TLN2: variants seen among roughly 807,000 people sequenced by gnomAD.
TLN2 encodes the protein talin-2.
In TLN2, 118 loss-of-function variants were observed where a neutral mutation model predicts 294.7. That is an observed-to-expected ratio of 0.40 (90% CI 0.34 to 0.47). The LOEUF (loss-of-function observed/expected upper bound fraction) is 0.47, where lower values mean the gene tolerates loss of function less well. Among genes scored for constraint, TLN2 ranks in the 20% least tolerant of loss-of-function variants. TLN2 has a pLI of 0.84. For synonymous variants in TLN2, 1,431 were observed against 1,304.5 expected (o/e 1.10, Z -2.09); for missense variants, 3,083 against 3,282.2 (o/e 0.94, Z 1.48).
intron 26 of TLN2, among the ~76,000 whole-genome samples, chr15:62,723,095 C>G (rs1255294804): frequency 6.6e-6 from 1 of 152,188 alleles, no homozygotes; most frequent in Non-Finnish European, 1.5e-5. Context: ...GCATGAAGTT[C>G]TAGCATGAAT....
chr15:62,481,798 CT>C (rs60002079), intron 1 of TLN2, among the ~76,000 whole-genome samples: 1,861 of 115,702 alleles, frequency 0.016, 24 homozygotes, highest in Admixed American at 0.051. Context: ...TTCTTTCTTT[CT>C]TTTTTTTTTT....
intron 1 of TLN2, among the ~76,000 whole-genome samples, chr15:62,476,080 G>A (rs1489074540): frequency 2.0e-5 from 3 of 152,158 alleles, no homozygotes; most frequent in South Asian, 4.1e-4. Flanking sequence ...TGGACTCCAC[G>A]GTGGGATATT....
chr15:62,604,593 A>T (rs1285006000), intron 2 of TLN2, among the ~76,000 whole-genome samples: 1 of 150,660 alleles, frequency 6.6e-6, no homozygotes, highest in African/African-American at 2.4e-5. Flanking sequence ...AGAGAGCTTC[A>T]TAAGAGAGAG....
At position 62,668,357 on chromosome 15, in the gene TLN2, A is replaced by T. The variant is rs150541108; in HGVS notation, c.789-5470A>T. Among the ~76,000 whole-genome samples the T allele has an allele frequency of 2.0e-5, 3 of 152,308 alleles. No homozygotes were observed. In the East Asian group the frequency reaches 5.8e-4, roughly 29 times the overall value. On this transcript the variant is annotated intron_variant, in intron 9 of 58. Transcript: ENST00000636159. ...TTTGAATATATACAATAAAATAACAAAATTGCAACTCATCCTTCAAATAGT... is the reference window on the plus strand; with the variant it reads ...TTTGAATATATACAATAAAATAACATAATTGCAACTCATCCTTCAAATAGT...
chr15:62,421,128 T>A (rs760907918), intron 1 of TLN2, among the ~76,000 whole-genome samples: 1 of 152,210 alleles, frequency 6.6e-6, no homozygotes, highest in Admixed American at 6.5e-5. Flanking sequence ...TAACCAGTTA[T>A]AGAGATAAAA....
At chr15:62,821,964 G>A (rs2067605262) in intron 54 of TLN2, among the ~76,000 whole-genome samples, 1 of 152,196 alleles carries the variant, frequency 6.6e-6, no homozygotes, top group South Asian at 2.1e-4. Context: ...TATCACGATG[G>A]CCTTTCTTGG....
At chr15:62,819,109 CTCGGCCTCCCAAA>C (rs970750982) in intron 52 of TLN2, among the ~76,000 whole-genome samples, 13 of 152,230 alleles carry the variant, frequency 8.5e-5, no homozygotes, top group African/African-American at 3.1e-4. Flanking sequence ...GCCCTCCCAC[CTCGGCCTCCCAAA>C]GTGCTTGGAT....
At chr15:62,695,141 A>G (rs2058235583) in intron 14 of TLN2, among the ~76,000 whole-genome samples, 1 of 152,200 alleles carries the variant, frequency 6.6e-6, no homozygotes, top group South Asian at 2.1e-4. Context: ...GTTTATTAAA[A>G]TTAAGTAACA....
intron 1 of TLN2, among the ~76,000 whole-genome samples, chr15:62,503,219 A>G (rs1197841697): frequency 1.3e-5 from 2 of 150,790 alleles, no homozygotes; most frequent in Non-Finnish European, 3.0e-5. Context: ...ATATAGAAAA[A>G]TAAAAAAATA....
intron 28 of TLN2, among the ~76,000 whole-genome samples, chr15:62,733,670 C>T (rs1567484455): frequency 2.0e-5 from 3 of 152,134 alleles, no homozygotes; most frequent in Admixed American, 1.3e-4. Flanking sequence ...GAATAGCAAC[C>T]ATTATGTAGA....
chr15:62,789,162 G>C (rs990782142), intron 45 of TLN2, among the ~76,000 whole-genome samples: 13 of 152,164 alleles, frequency 8.5e-5, no homozygotes, highest in Non-Finnish European at 1.9e-4. Flanking sequence ...TCCGTGTGCT[G>C]TCCAAATAGG....
intron 28 of TLN2, among the ~76,000 whole-genome samples, chr15:62,733,275 A>G (rs1369842624): frequency 2.0e-5 from 3 of 152,216 alleles, no homozygotes; most frequent in Non-Finnish European, 4.4e-5. Context: ...AGCATCCATT[A>G]GCTTTAGGAA....
intron 1 of TLN2, among the ~76,000 whole-genome samples, chr15:62,576,333 A>G (rs1025012223): frequency 6.6e-6 from 1 of 152,166 alleles, no homozygotes; most frequent in Admixed American, 6.5e-5. Flanking sequence ...GGGAGATGAT[A>G]TGTAACATGT....
At chr15:62,446,879 A>G (rs1170047833) in intron 1 of TLN2, among the ~76,000 whole-genome samples, 2 of 152,218 alleles carry the variant, frequency 1.3e-5, no homozygotes, top group Non-Finnish European at 2.9e-5. Context: ...AGATTAAATA[A>G]CCATTCAAAC....
At chr15:62,393,751 T>A (rs1416713221) in intron 1 of TLN2, among the ~76,000 whole-genome samples, 1 of 152,106 alleles carries the variant, frequency 6.6e-6, no homozygotes, top group African/African-American at 2.4e-5. Context: ...AACCCTCCAA[T>A]CTTTATTCCC....
At chr15:62,510,859 C>G (rs1469122652) in intron 1 of TLN2, among the ~76,000 whole-genome samples, 1 of 152,180 alleles carries the variant, frequency 6.6e-6, no homozygotes, top group Non-Finnish European at 1.5e-5. Flanking sequence ...CAGTTACGTG[C>G]TATAGAGTGA....
intron 1 of TLN2, among the ~76,000 whole-genome samples, chr15:62,563,751 A>T (rs1039297664): frequency 1.3e-5 from 2 of 152,148 alleles, no homozygotes; most frequent in African/African-American, 4.8e-5. Flanking sequence ...GGGCACAGTG[A>T]CCTGTCATCC....
At chr15:62,391,883 C>T (rs1476122251) in intron 1 of TLN2, among the ~76,000 whole-genome samples, 2 of 152,270 alleles carry the variant, frequency 1.3e-5, no homozygotes, top group African/African-American at 4.8e-5. Context: ...GGTGCTCAGC[C>T]GGAGCCGTGC....
In TLN2 at chr15:62,666,829, T is replaced by C. The variant is rs2054708761; in HGVS notation, c.789-6998T>C. On this transcript the variant is annotated intron_variant, in intron 9 of 58. Transcript: ENST00000636159. ...GTGTGTTTGAATCTGTAATTTGAGC[T>C]TTCAGCCCACTGTGTCAGTGGTTCT... 2.6e-5 allele frequency among the ~76,000 whole-genome samples: 4 copies of C among 152,358 alleles called. No individual in the cohort carries two copies. The South Asian group carries it at 8.3e-4, about 32-fold the overall frequency.
Sources: allele counts gnomAD v4.1 joint callset (sites outside exome capture counted in the v4.1 genomes callset), GRCh38; gene constraint gnomAD v4.1.1; transcripts MANE v1.5; gene names NCBI Gene and HGNC (gene_info 2026-07-23, HGNC 2026-07-21).